The following CADPS2 variants were observed in gnomAD, a reference collection of about 807,000 sequenced individuals.
CADPS2 encodes calcium-dependent secretion activator 2.
Under a neutral mutation model 172.5 loss-of-function variants are expected in CADPS2, and 93 were observed. That is an observed-to-expected ratio of 0.54 (90% CI 0.46 to 0.64). The LOEUF (loss-of-function observed/expected upper bound fraction) is 0.64. CADPS2 is among the 30% of genes least tolerant of loss of function. The pLI is 0.00. For missense variants in CADPS2, 1,420 were observed against 1,565.9 expected (o/e 0.91, Z 1.57); for synonymous variants, 546 against 555.2 (o/e 0.98, Z 0.23).
chr7:122,389,382 G>A (rs531010365), intron 22 of CADPS2, among the ~76,000 whole-genome samples: 1 of 152,094 alleles, frequency 6.6e-6, no homozygotes, highest in African/African-American at 2.4e-5. Context: ...TGAAGATGGA[G>A]AAAAACAATG....
intron 8 of CADPS2, among the ~76,000 whole-genome samples, chr7:122,546,345 T>C (rs1216937918): frequency 2.0e-5 from 3 of 152,184 alleles, no homozygotes; most frequent in Admixed American, 2.0e-4. Context: ...TATGATTATA[T>C]AGAGAGGAGT....
intron 2 of CADPS2, among the ~76,000 whole-genome samples, chr7:122,705,600 T>C (rs1348415108): frequency 5.5e-5 from 6 of 108,950 alleles, no homozygotes; most frequent in African/African-American, 2.2e-4. Context: ...ATATATTTTA[T>C]ATATTATATA....
intron 11 of CADPS2, among the ~76,000 whole-genome samples, chr7:122,489,690 G>A (rs904005650): frequency 2.6e-5 from 4 of 151,988 alleles, no homozygotes; most frequent in African/African-American, 9.7e-5. Flanking sequence ...AGAAGGTAAT[G>A]GTTCATCATT....
chr7:122,562,234 G>A (rs761993282), intron 7 of CADPS2, among the ~76,000 whole-genome samples: 1 of 152,104 alleles, frequency 6.6e-6, no homozygotes, highest in African/African-American at 2.4e-5. Context: ...TAAGGTAGCA[G>A]GTGAAATTAA....
intron 1 of CADPS2, among the ~76,000 whole-genome samples, chr7:122,846,011 A>T (rs1303631164): frequency 6.6e-6 from 1 of 152,228 alleles, no homozygotes; most frequent in African/African-American, 2.4e-5. Context: ...TATTCTAAAA[A>T]TTAAGGAGTA....
chr7:122,386,956 T>C, intron 24 of CADPS2, 70 bp downstream of exon 24: 7 of 1,477,846 alleles, frequency 4.7e-6, no homozygotes, highest in Non-Finnish European at 6.4e-6. Context: ...AGAGAATGCC[T>C]TGTGGAAAGG....
intron 3 of CADPS2, among the ~76,000 whole-genome samples, chr7:122,635,428 C>T (rs538606766): frequency 2.7e-5 from 4 of 147,294 alleles, no homozygotes; most frequent in Non-Finnish European, 3.0e-5. Flanking sequence ...ATCCCTCCCC[C>T]CTCCCCAGAC....
intron 2 of CADPS2, among the ~76,000 whole-genome samples, chr7:122,667,789 GA>G (rs1422453801): frequency 6.6e-6 from 1 of 150,712 alleles, no homozygotes; most frequent in Middle Eastern, 3.4e-3. Flanking sequence ...AGGAAAGAGA[GA>G]AAAAAAAGGA....
intron 1 of CADPS2, among the ~76,000 whole-genome samples, chr7:122,794,826 C>T (rs1269939342): frequency 6.7e-6 from 1 of 150,342 alleles, no homozygotes; most frequent in Admixed American, 6.6e-5. Flanking sequence ...TCACTCAAAA[C>T]CATACAATTA....
intron 2 of CADPS2, among the ~76,000 whole-genome samples, chr7:122,667,220 T>C (rs1317924872): frequency 6.6e-6 from 1 of 152,194 alleles, no homozygotes; most frequent in Non-Finnish European, 1.5e-5. Flanking sequence ...AATTTAGTAA[T>C]GTATGTATAG....
chr7:122,463,939 T>C (rs1223593372), intron 14 of CADPS2, among the ~76,000 whole-genome samples: 4 of 152,206 alleles, frequency 2.6e-5, no homozygotes, highest in Non-Finnish European at 5.9e-5. Context: ...GAGACGTCAG[T>C]ATGAACTCAT....
rs911666851 is a variant in CADPS2 at position 122,885,832 on chromosome 7, C to T, written c.339+167G>A. On this transcript the variant is annotated intron_variant, in intron 1 of 29. Transcript: ENST00000449022. ...GAGGTGTCCGCTGCAGCCGCATACC[C>T]GGCGGGTGAAAGCACCGTCTTGTCC... is the stretch of plus-strand genomic sequence containing the variant. Among the ~76,000 whole-genome samples, 3 of 152,184 alleles carry T rather than the reference C, an allele frequency of 2.0e-5. No individual in the cohort carries two copies. In the South Asian group the frequency reaches 6.2e-4, roughly 32 times the overall value.
intron 2 of CADPS2, among the ~76,000 whole-genome samples, chr7:122,717,041 A>G (rs2089710470): frequency 6.6e-6 from 1 of 152,196 alleles, no homozygotes; most frequent in Non-Finnish European, 1.5e-5. Context: ...TTAGAACTTT[A>G]TAATGAGCTA....
chr7:122,653,930 A>G (rs2079454794), intron 3 of CADPS2, among the ~76,000 whole-genome samples: 1 of 152,208 alleles, frequency 6.6e-6, no homozygotes, highest in Non-Finnish European at 1.5e-5. Flanking sequence ...ACACACTAAC[A>G]TTGAAAATAG....
Position 122,451,382 on chromosome 7 carries a change from G to T in CADPS2, c.2280C>A (p.Ser760Arg). The T allele has an allele frequency of 1.4e-6, 2 of 1,477,664 alleles. No homozygotes were observed. The highest frequency in any genetic ancestry group is 1.8e-6 in the Non-Finnish European group (2 of 1,090,542). 91.5% of individuals were successfully genotyped at this position (1,477,664 alleles called of 1,614,324 possible). ...AATAAAAAAATATATACCTGAAATG[G>T]CTTATCTGATTTTCTAAAAGGGAAG... ...RLSSLLENQI[S>R]HFRYCFPFGR... The change falls in exon 15 of 30, where the codon AGC becomes AGA. Residue 760 changes from serine (S) to arginine (R), a missense_variant. Coordinates refer to ENST00000449022, the MANE Select transcript of CADPS2 (RefSeq NM_017954.11).
intron 1 of CADPS2, among the ~76,000 whole-genome samples, chr7:122,826,833 T>C (rs1422303769): frequency 1.3e-5 from 2 of 151,000 alleles, no homozygotes; most frequent in Non-Finnish European, 3.0e-5. Context: ...AATGCATAGA[T>C]TAGAAAAAAA....
intron 5 of CADPS2, among the ~76,000 whole-genome samples, chr7:122,618,708 G>C (rs909551003): frequency 1.1e-4 from 17 of 152,248 alleles, no homozygotes; most frequent in African/African-American, 4.1e-4. Flanking sequence ...CTGAAATATG[G>C]GGTCTGAGGA....
At chr7:122,766,517 CA>C (rs2093555930) in intron 1 of CADPS2, among the ~76,000 whole-genome samples, 1 of 152,044 alleles carries the variant, frequency 6.6e-6, no homozygotes, top group Admixed American at 6.6e-5. Flanking sequence ...CCCTAAAAAC[CA>C]AGTTTATTGG....
At chr7:122,870,395 CAA>C (rs771953832) in intron 1 of CADPS2, among the ~76,000 whole-genome samples, 3 of 151,892 alleles carry the variant, frequency 2.0e-5, no homozygotes, top group Admixed American at 6.6e-5. Flanking sequence ...GTCAATTCAT[CAA>C]AAAGTTATAA....
Sources: gnomAD v4.1 joint callset for allele counts (sites outside exome capture counted in the v4.1 genomes callset) on GRCh38, gnomAD v4.1.1 for gene constraint, MANE v1.5 for transcripts, NCBI Gene and HGNC (gene_info 2026-07-23, HGNC 2026-07-21) for gene names.